CACNA2D1: variants seen among roughly 807,000 people sequenced by gnomAD.
CACNA2D1 encodes the protein calcium voltage-gated channel auxiliary subunit alpha2delta 1.
In CACNA2D1, 53 loss-of-function variants were observed where a neutral mutation model predicts 171.5. The ratio of observed to expected loss-of-function variants is 0.31; its 90% CI spans 0.25 to 0.39. The LOEUF (loss-of-function observed/expected upper bound fraction) is 0.39, where lower values mean the gene tolerates loss of function less well. Ranked by LOEUF, CACNA2D1 falls within the 10% of genes least tolerant of loss-of-function variation. The pLI is 1.00. For synonymous variants in CACNA2D1, 442 were observed against 443.1 expected (o/e 1.00, Z 0.03); for missense variants, 903 against 1,299.8 (o/e 0.69, Z 4.69).
chr7:82,388,643 G>GA lies in CACNA2D1; in HGVS notation c.96-38995dup, dbSNP rs1303918587. On this transcript the variant is annotated intron_variant, in intron 1 of 38. Transcript: ENST00000356860. ...GTGGGATTTTGATTTCATGTGAGGG[G>GA]AAAAAAAGTTTGCTTAAAGTTTATA... is the stretch of plus-strand genomic sequence containing the variant. Among the ~76,000 whole-genome samples, 5 of 152,010 alleles carry GA rather than the reference G, an allele frequency of 3.3e-5. No homozygotes were observed. In the East Asian group the frequency reaches 9.6e-4, roughly 29 times the overall value.
At chr7:82,315,423 C>A (rs1447542395) in intron 3 of CACNA2D1, among the ~76,000 whole-genome samples, 5 of 151,826 alleles carry the variant, frequency 3.3e-5, no homozygotes, top group Non-Finnish European at 7.4e-5. Context: ...TTTTCTAAAA[C>A]AATAAATGGT....
At chr7:82,144,809 CAAAT>C (rs1321354519) in intron 4 of CACNA2D1, among the ~76,000 whole-genome samples, 1 of 151,892 alleles carries the variant, frequency 6.6e-6, no homozygotes, top group Non-Finnish European at 1.5e-5. Context: ...AATAAAAAAT[CAAAT>C]AACTCTACAT....
chr7:82,200,955 C>T (rs189898264), intron 3 of CACNA2D1, among the ~76,000 whole-genome samples: 17 of 152,276 alleles, frequency 1.1e-4, no homozygotes, highest in African/African-American at 3.6e-4. Flanking sequence ...GGTAACAGAA[C>T]TGTGCACTTT....
chr7:82,165,578 C>T (rs1444036167), intron 4 of CACNA2D1, among the ~76,000 whole-genome samples: 1 of 151,954 alleles, frequency 6.6e-6, no homozygotes, highest in Non-Finnish European at 1.5e-5. Context: ...AATACTCTTA[C>T]CATGGCATTT....
intron 11 of CACNA2D1, among the ~76,000 whole-genome samples, chr7:82,033,347 T>C (rs1473255030): frequency 2.0e-5 from 3 of 152,176 alleles, no homozygotes; most frequent in Middle Eastern, 3.4e-3. Flanking sequence ...TGTCCCTCCA[T>C]AGAAGACTGC....
chr7:82,154,890 C>A (rs1056216730), intron 4 of CACNA2D1, among the ~76,000 whole-genome samples: 1 of 152,108 alleles, frequency 6.6e-6, no homozygotes, highest in African/African-American at 2.4e-5. Flanking sequence ...CCACCCAAGT[C>A]TCCTGTCAAA....
intron 3 of CACNA2D1, among the ~76,000 whole-genome samples, chr7:82,187,801 A>C (rs1797913947): frequency 6.6e-6 from 1 of 152,158 alleles, no homozygotes; most frequent in African/African-American, 2.4e-5. Flanking sequence ...GGGTAACTTA[A>C]ACAACAAGCA....
intron 3 of CACNA2D1, among the ~76,000 whole-genome samples, chr7:82,294,280 A>G (rs886242831): frequency 1.3e-5 from 2 of 152,154 alleles, no homozygotes; most frequent in African/African-American, 4.8e-5. Context: ...CCTTTATTAC[A>G]TAAAATTCAA....
chr7:82,169,233 G>T (rs1395745479), intron 4 of CACNA2D1, among the ~76,000 whole-genome samples: 1 of 151,978 alleles, frequency 6.6e-6, no homozygotes, highest in Non-Finnish European at 1.5e-5. Flanking sequence ...CGATGCTCTA[G>T]GAGCTTATGT....
chr7:82,235,683 G>GT (rs1803500799), intron 3 of CACNA2D1, among the ~76,000 whole-genome samples: 1 of 151,982 alleles, frequency 6.6e-6, no homozygotes, highest in African/African-American at 2.4e-5. Flanking sequence ...TCATTCTCAT[G>GT]TTTTTATAAT....
At chr7:82,014,983 C>T (rs908620413) in intron 12 of CACNA2D1, among the ~76,000 whole-genome samples, 2 of 151,770 alleles carry the variant, frequency 1.3e-5, no homozygotes, top group Non-Finnish European at 2.9e-5. Context: ...ACCAGGGAGG[C>T]GGAGGTTACA....
intron 3 of CACNA2D1, among the ~76,000 whole-genome samples, chr7:82,262,738 A>C (rs939545127): frequency 2.6e-5 from 4 of 152,030 alleles, no homozygotes; most frequent in African/African-American, 9.7e-5. Flanking sequence ...AGCCATAAAA[A>C]CCAGAATTCC....
At chr7:82,262,166 C>T (rs111428523) in intron 3 of CACNA2D1, among the ~76,000 whole-genome samples, 4,068 of 152,218 alleles carry the variant, frequency 0.027, 69 homozygotes, top group East Asian at 0.067. Context: ...CCCGTCTCTA[C>T]TAAAAATACA....
chr7:82,064,119 TTTAA>T lies in CACNA2D1; in HGVS notation c.779+181_779+184del, dbSNP rs572538669. On this transcript the variant is annotated intron_variant, in intron 9 of 38. Coordinates refer to ENST00000356860, the MANE Select transcript of CACNA2D1 (RefSeq NM_000722.4). ...AATATCCATATAGATTCTCTTCATG[TTTAA>T]TTAAATAATTTGTTTTATTATTGTC... Among the ~76,000 whole-genome samples the T allele has an allele frequency of 5.9e-5, 9 of 152,180 alleles. No homozygotes were observed. The South Asian group carries it at 1.7e-3, about 28-fold the overall frequency.
intron 11 of CACNA2D1, 146 bp downstream of exon 11, chr7:82,037,931 G>T: frequency 1.5e-6 from 1 of 688,888 alleles, no homozygotes; most frequent in Non-Finnish European, 2.4e-6. Context: ...ATAGTTCAAA[G>T]GTTTCTTCTG....
chr7:82,277,267 A>G (rs1238267898), intron 3 of CACNA2D1, among the ~76,000 whole-genome samples: 4 of 152,072 alleles, frequency 2.6e-5, no homozygotes, highest in African/African-American at 4.8e-5. Context: ...CAGTGGCACA[A>G]TCTCGGCTCA....
intron 3 of CACNA2D1, among the ~76,000 whole-genome samples, chr7:82,277,274 C>A (rs1809475099): frequency 6.6e-6 from 1 of 152,086 alleles, no homozygotes. Flanking sequence ...ACAATCTCGG[C>A]TCATTGCAAC....
intron 11 of CACNA2D1, among the ~76,000 whole-genome samples, chr7:82,033,613 T>C (rs2131161573): frequency 6.6e-6 from 1 of 152,182 alleles, no homozygotes; most frequent in Non-Finnish European, 1.5e-5. Context: ...TAAATGCTGA[T>C]ACCTATTCCC....
chr7:82,343,385 A>G (rs1288091101), intron 2 of CACNA2D1: 1 of 152,236 alleles, frequency 6.6e-6, no homozygotes, highest in Non-Finnish European at 1.5e-5. Flanking sequence ...GAAGAAAGAA[A>G]AGAACAAGTG....
Sources: gnomAD v4.1 joint callset for allele counts (sites outside exome capture counted in the v4.1 genomes callset) on GRCh38, gnomAD v4.1.1 for gene constraint, MANE v1.5 for transcripts, NCBI Gene and HGNC (gene_info 2026-07-23, HGNC 2026-07-21) for gene names.